The following ARHGAP32 variants were observed in gnomAD, a reference collection of about 807,000 sequenced individuals.
ARHGAP32 encodes the protein Rho GTPase activating protein 32.
A neutral mutation model predicts 186.5 loss-of-function variants in ARHGAP32; 51 were observed. The observed-to-expected ratio is 0.27, with a 90% CI of 0.22 to 0.35. The LOEUF (loss-of-function observed/expected upper bound fraction) is 0.35. ARHGAP32 is among the 10% of genes least tolerant of loss of function. ARHGAP32 has a pLI of 1.00. For missense variants in ARHGAP32, 2,186 were observed against 2,623.5 expected (o/e 0.83, Z 3.64); for synonymous variants, 950 against 964.3 (o/e 0.99, Z 0.27).
chr11:129,203,780 T>C (rs1211837256), intron 1 of ARHGAP32, among the ~76,000 whole-genome samples: 1 of 148,862 alleles, frequency 6.7e-6, no homozygotes, highest in Non-Finnish European at 1.5e-5. Context: ...TGCACGCCTG[T>C]AATCTCAGCT....
intron 2 of ARHGAP32, among the ~76,000 whole-genome samples, chr11:129,153,098 G>A (rs977740231): frequency 9.9e-5 from 15 of 151,194 alleles, no homozygotes; most frequent in Admixed American, 9.2e-4. Flanking sequence ...CAACAGCAAC[G>A]AAGCTGAGAA....
chr11:129,181,260 A>C (rs1944048428), intron 1 of ARHGAP32, among the ~76,000 whole-genome samples: 1 of 152,130 alleles, frequency 6.6e-6, no homozygotes. Flanking sequence ...TTATGGTCAG[A>C]CCATTTGATA....
chr11:129,100,049 A>AC (rs1157046417), intron 5 of ARHGAP32, among the ~76,000 whole-genome samples: 12 of 151,974 alleles, frequency 7.9e-5, no homozygotes, highest in Non-Finnish European at 1.6e-4. Flanking sequence ...GCAGGCAGAG[A>AC]CCCCCCTTTG....
intron 6 of ARHGAP32, 70 bp downstream of exon 6, chr11:129,093,551 A>G: frequency 1.9e-6 from 2 of 1,074,670 alleles, no homozygotes; most frequent in African/African-American, 3.1e-5. Flanking sequence ...ACGTTATAGA[A>G]ATAAATTTAA....
At position 128,991,380 on chromosome 11, in the gene ARHGAP32, T is replaced by TACATTTAAAACAA. The variant is rs1266093817; in HGVS notation, c.1196-3256_1196-3255insTTGTTTTAAATGT. Among the ~76,000 whole-genome samples, 4 of 151,972 alleles carry TACATTTAAAACAA rather than the reference T, an allele frequency of 2.6e-5. No individual in the cohort carries two copies. In the East Asian group the frequency reaches 7.7e-4, roughly 29 times the overall value. ...AAACAAATGAGTCATTTAATACAAATAGGTGGCAAAATGAAAGAAAAGCAT... is the reference window on the plus strand; with the variant it reads ...AAACAAATGAGTCATTTAATACAAATACATTTAAAACAAAGGTGGCAAAATGAAAGAAAAGCAT... On this transcript the variant is annotated intron_variant, in intron 12 of 22. Coordinates refer to ENST00000682385, the MANE Select transcript of ARHGAP32 (RefSeq NM_001378024.1).
chr11:128,989,776 G>T (rs1369844310), intron 12 of ARHGAP32, among the ~76,000 whole-genome samples: 1 of 148,092 alleles, frequency 6.8e-6, no homozygotes, highest in Non-Finnish European at 1.5e-5. Flanking sequence ...TGTTCTCATT[G>T]TTCAACTCCC....
chr11:128,973,949 G>T (rs1266656121), intron 21 of ARHGAP32, 175 bp downstream of exon 21: 5 of 718,780 alleles, frequency 7.0e-6, no homozygotes, highest in Non-Finnish European at 1.1e-5. Flanking sequence ...CTTTTGGGGA[G>T]TTTTGTTGGA....
rs149025449 is a variant in ARHGAP32 at position 129,247,728 on chromosome 11, A to T, written c.-5+31418T>A. ...ATTCTAGTAGAAATGTTTTCAGGAT[A>T]AAAAAAACTCTTGTAATAGCAAAAC... is the stretch of plus-strand genomic sequence containing the variant. On this transcript the variant is annotated intron_variant, in intron 1 of 6. Transcript: ENST00000525234. 1.5e-3 allele frequency among the ~76,000 whole-genome samples: 224 copies of T among 152,148 alleles called. 1 individual carries two copies. Among genetic ancestry groups the T allele is most frequent in the African/African-American group, 3.6e-3 (149 of 41,530 alleles).
Position 128,967,841 on chromosome 11 carries a change from A to C in ARHGAP32, c.*1066T>G, listed in dbSNP as rs1945253941. The C allele has an allele frequency of 6.6e-6, 1 of 151,010 alleles. No homozygotes were observed. 9.4% of individuals were successfully genotyped at this position (151,010 alleles called of 1,614,324 possible). A position where few individuals can be genotyped will look rare whatever the true frequency, so the allele number is the denominator to read the frequency against. On this transcript the variant is annotated 3_prime_UTR_variant, in exon 23 of 23. Transcript: ENST00000682385. ...CTACTTAAATTCCCAGGGACCTCGT[A>C]CTCTGGTTTAGGAACAGAAACAAAC...
At chr11:129,032,296 C>G (rs1200544617) in intron 11 of ARHGAP32, among the ~76,000 whole-genome samples, 1 of 152,156 alleles carries the variant, frequency 6.6e-6, no homozygotes. Context: ...TACCAGTTGC[C>G]CAGAGGTGCT....
chr11:128,985,877 T>TATATAC (rs1340386380), intron 15 of ARHGAP32, 126 bp downstream of exon 15: 1 of 246,156 alleles, frequency 4.1e-6, no homozygotes, highest in Non-Finnish European at 7.5e-6. Flanking sequence ...TATATATATA[T>TATATAC]ATATATATGA....
At chr11:129,025,008 C>A (rs1311033831) in intron 11 of ARHGAP32, among the ~76,000 whole-genome samples, 1 of 152,044 alleles carries the variant, frequency 6.6e-6, no homozygotes, top group Non-Finnish European at 1.5e-5. Context: ...AAAATATTTA[C>A]ATATTTTCCA....
At chr11:129,030,920 C>T (rs1440334763) in intron 11 of ARHGAP32, among the ~76,000 whole-genome samples, 1 of 152,158 alleles carries the variant, frequency 6.6e-6, no homozygotes. Flanking sequence ...GTACTCTCTG[C>T]CACTCTCTCT....
intron 1 of ARHGAP32, among the ~76,000 whole-genome samples, chr11:129,211,031 AT>A (rs1565469769): frequency 6.6e-6 from 1 of 151,968 alleles, no homozygotes; most frequent in African/African-American, 2.4e-5. Context: ...GCACTTCCTC[AT>A]TTTTTGTGTA....
chr11:129,228,624 A>G (rs2135630436), intron 1 of ARHGAP32, among the ~76,000 whole-genome samples: 1 of 152,280 alleles, frequency 6.6e-6, no homozygotes, highest in South Asian at 2.1e-4. Context: ...ATCAAATACC[A>G]CATGTTCTCA....
At position 129,253,645 on chromosome 11, in the gene ARHGAP32, CTTATTA is replaced by C. The variant is rs1945216013; in HGVS notation, c.-5+25495_-5+25500del. ...ATCCTCATAGGGCAATCAAAAATTA[CTTATTA>C]TTATTAGTATGCAAATTCAAGTAGT... On this transcript the variant is annotated intron_variant, in intron 1 of 6. Coordinates refer to the ARHGAP32 transcript ENST00000525234. Among the ~76,000 whole-genome samples, 5 of 152,166 alleles carry C rather than the reference CTTATTA, an allele frequency of 3.3e-5. No individual in the cohort carries two copies. The South Asian group carries it at 1.0e-3, about 32-fold the overall frequency.
In ARHGAP32 at chr11:128,970,676, T is replaced by C. The variant is rs373745240; in HGVS notation, c.4537A>G (p.Asn1513Asp). 2.5e-5 allele frequency: 41 copies of C among 1,613,920 alleles called. No homozygotes were observed. In the Middle Eastern group the frequency reaches 1.5e-3, roughly 58 times the overall value. The change falls in exon 23 of 23, where the codon AAC becomes GAC. Residue 1513 changes from asparagine to aspartate, a missense_variant. Transcript: ENST00000682385. This position sits in a 1 kb window ranked among gnomAD's most constrained non-coding sequence, Gnocchi z 5.8. ...ACACTCTGGGGACGGTACTGGCAGT[T>C]TGGAGTCATATTGAAATGCAAACAG... ...DNCLHFNMTP[N>D]CQYRPQSVPP...
intron 9 of ARHGAP32, among the ~76,000 whole-genome samples, chr11:129,062,609 A>G (rs1940547029): frequency 1.3e-5 from 2 of 152,216 alleles, no homozygotes; most frequent in Non-Finnish European, 2.9e-5. Context: ...AACTTCAGAA[A>G]GCCAGATTCA....
chr11:129,035,251 A>G (rs1939284018), intron 11 of ARHGAP32, among the ~76,000 whole-genome samples: 1 of 151,682 alleles, frequency 6.6e-6, no homozygotes, highest in Non-Finnish European at 1.5e-5. Flanking sequence ...TATCTTGGTC[A>G]GGATATGGTG....
Sources: allele counts gnomAD v4.1 joint callset (sites outside exome capture counted in the v4.1 genomes callset), GRCh38; gene constraint gnomAD v4.1.1; non-coding constraint Gnocchi (gnomAD v3.1); transcripts MANE v1.5; gene names NCBI Gene and HGNC (gene_info 2026-07-23, HGNC 2026-07-21).